ZC3H4: variants seen among roughly 807,000 people sequenced by gnomAD.
ZC3H4 encodes the protein zinc finger CCCH domain-containing protein 4.
A neutral mutation model predicts 108.3 loss-of-function variants in ZC3H4; 13 were observed. That is an observed-to-expected ratio of 0.12 (90% confidence interval 0.08 to 0.19). The LOEUF is 0.19. Ranked by LOEUF, ZC3H4 falls within the 10% of genes least tolerant of loss-of-function variation. ZC3H4 has a pLI of 1.00. For missense variants in ZC3H4, 1,734 were observed against 1,838.8 expected (o/e 0.94, Z 1.04); for synonymous variants, 917 against 749.6 (o/e 1.22, Z -3.65).
At chr19:47,091,329 G>A (rs1243373028) in intron 4 of ZC3H4, among the ~76,000 whole-genome samples, 1 of 151,988 alleles carries the variant, frequency 6.6e-6, no homozygotes, top group Non-Finnish European at 1.5e-5. Context: ...CCAGCACTGT[G>A]GGAGGCCCAG....
At chr19:47,100,571 C>T (rs1413083220) in intron 2 of ZC3H4, among the ~76,000 whole-genome samples, 2 of 151,682 alleles carry the variant, frequency 1.3e-5, no homozygotes, top group East Asian at 1.9e-4. Flanking sequence ...CATCTAGATA[C>T]GAAGACACCT....
chr19:47,069,260 A>C lies in ZC3H4; in HGVS notation c.2230T>G (p.Ser744Ala). 1 of 1,613,886 alleles carries C rather than the reference A, an allele frequency of 6.2e-7. No homozygotes were observed. Among genetic ancestry groups the C allele is most frequent in the South Asian group, 1.1e-5 (1 of 91,084 alleles). ...GGCCGGCCTGGGGGCCCTCCCTCAG[A>C]GAAGCTGTCGGGCTCCAGAGGGTGC... is the stretch of plus-strand genomic sequence containing the variant. ...PEHPLEPDSFSEGGPPGRPKP... is the reference protein window; with the variant it reads ...PEHPLEPDSFAEGGPPGRPKP... Residue 744 changes from serine to alanine, a missense_variant, in exon 14 of 15, where the codon TCT becomes GCT. Around this residue, in one of 9 missense-constraint regions of ZC3H4, gnomAD observed 540 missense variants for 484.1 expected, o/e 1.12. Coordinates refer to ENST00000253048, the MANE Select transcript of ZC3H4 (RefSeq NM_015168.2).
In ZC3H4 at chr19:47,085,172, C is replaced by A; in HGVS notation, c.991G>T (p.Gly331Cys). Residue 331 changes from glycine to cysteine, a missense_variant, in exon 8 of 15, where the codon GGC becomes TGC. Coordinates refer to ENST00000253048, the MANE Select transcript of ZC3H4 (RefSeq NM_015168.2). ...GRGLSRGRGRGSRGRGKGMGR... is the reference protein window; with the variant it reads ...GRGLSRGRGRCSRGRGKGMGR... Reference sequence around the variant, plus strand: ...ATTCCTTTCCCTCGACCTCGGGAGCCCCTGCCACGGCCTCGACTTAGCCCT... The same window carrying A: ...ATTCCTTTCCCTCGACCTCGGGAGCACCTGCCACGGCCTCGACTTAGCCCT... 1 of 1,613,544 alleles carries A rather than the reference C, an allele frequency of 6.2e-7. No individual in the cohort carries two copies. The highest frequency in any genetic ancestry group is 8.5e-7 in the Non-Finnish European group (1 of 1,179,866).
At chr19:47,071,469 A>C (rs899779886) in intron 13 of ZC3H4, among the ~76,000 whole-genome samples, 2 of 152,098 alleles carry the variant, frequency 1.3e-5, no homozygotes, top group Non-Finnish European at 2.9e-5. Flanking sequence ...CTGAGTCCTG[A>C]TGGGCCCACC....
chr19:47,081,408 A>C, intron 11 of ZC3H4, 105 bp downstream of exon 11: 3 of 872,268 alleles, frequency 3.4e-6, no homozygotes, highest in Non-Finnish European at 5.7e-6. Flanking sequence ...AGATCAACCA[A>C]ACTGGGCACT....
At chr19:47,088,688 G>A (rs961882993) in intron 5 of ZC3H4, among the ~76,000 whole-genome samples, 3 of 152,058 alleles carry the variant, frequency 2.0e-5, no homozygotes, top group Non-Finnish European at 4.4e-5. Context: ...ATGGGATCTC[G>A]CTGTGTTGCC....
chr19:47,073,529 A>G (rs2057365358), intron 11 of ZC3H4, among the ~76,000 whole-genome samples: 1 of 152,212 alleles, frequency 6.6e-6, no homozygotes, highest in Non-Finnish European at 1.5e-5. Context: ...CCGAGATCAC[A>G]CTACTGCACT....
intron 2 of ZC3H4, among the ~76,000 whole-genome samples, chr19:47,107,672 A>G (rs924235893): frequency 6.6e-6 from 1 of 152,154 alleles, no homozygotes; most frequent in African/African-American, 2.4e-5. Context: ...AAAAAAAAAA[A>G]AAGTAACAGG....
chr19:47,075,256 C>T (rs916165799), intron 11 of ZC3H4, among the ~76,000 whole-genome samples: 1 of 152,098 alleles, frequency 6.6e-6, no homozygotes, highest in African/African-American at 2.4e-5. Context: ...CAGGGGGACC[C>T]GTGGAGGCAG....
chr19:47,094,166 ATG>A, intron 3 of ZC3H4, 86 bp from the exon 4 acceptor site: 1 of 1,378,096 alleles, frequency 7.3e-7, no homozygotes, highest in East Asian at 2.3e-5. Flanking sequence ...CTATGCTGGC[ATG>A]TGCCGCAGGG....
At chr19:47,112,912 T>C (rs1250431676) in intron 1 of ZC3H4, among the ~76,000 whole-genome samples, 1 of 150,412 alleles carries the variant, frequency 6.6e-6, no homozygotes, top group Admixed American at 6.6e-5. Context: ...TGGGTGTAAT[T>C]AGCGCGGGCC....
chr19:47,109,599 G>T (rs1313389831), intron 2 of ZC3H4, among the ~76,000 whole-genome samples: 2 of 152,200 alleles, frequency 1.3e-5, no homozygotes, highest in Non-Finnish European at 2.9e-5. Context: ...GGATATCGTA[G>T]TTTGGAGATT....
chr19:47,101,427 C>T (rs555839393), intron 2 of ZC3H4, among the ~76,000 whole-genome samples: 1 of 152,018 alleles, frequency 6.6e-6, no homozygotes, highest in South Asian at 2.1e-4. Flanking sequence ...TCTATGTTGC[C>T]CAGGCTGGTC....
chr19:47,077,512 T>TA (rs902405117), intron 11 of ZC3H4, among the ~76,000 whole-genome samples: 3 of 146,910 alleles, frequency 2.0e-5, no homozygotes, highest in African/African-American at 7.5e-5. Flanking sequence ...CACAAAAACA[T>TA]AGATAAAATG....
rs1281577856 is a variant in ZC3H4, at chr19:47,066,786, G to A, written c.3482C>T (p.Thr1161Ile). ...GGCACCCGTGTCAGCAGCCGGCTCT[G>A]TGGCTTTGCCCCCCGCGTTGGGAGT... ...PRTPNAGGKATEPAADTGAQP... is the reference protein window; with the variant it reads ...PRTPNAGGKAIEPAADTGAQP... The change falls in exon 15 of 15, where the codon ACA becomes ATA. Residue 1161 changes from threonine (T) to isoleucine (I), a missense_variant. Coordinates refer to ENST00000253048, the MANE Select transcript of ZC3H4 (RefSeq NM_015168.2). 18 of 1,601,650 alleles carry A rather than the reference G, an allele frequency of 1.1e-5. No individual in the cohort carries two copies. In the South Asian group the frequency reaches 2.0e-4, roughly 18 times the overall value.
At position 47,065,127 on chromosome 19, in the gene ZC3H4, C is replaced by G. The variant is rs987092374; in HGVS notation, c.*1229G>C. 6.6e-6 allele frequency: 1 copy of G among 152,318 alleles called. No homozygotes were observed. The highest frequency in any genetic ancestry group is 1.5e-5 in the Non-Finnish European group (1 of 68,126). The allele number at this position is 152,318 out of a possible 1,614,324, so 9.4% of individuals were successfully genotyped here. On this transcript the variant is annotated 3_prime_UTR_variant, in exon 15 of 15. Coordinates refer to ENST00000253048, the MANE Select transcript of ZC3H4 (RefSeq NM_015168.2). ...CCATAGGTGGGCCTCCTCCAGGGCT[C>G]TGCAGATGAGGCTGGCCCTCAGCCA...
chr19:47,096,491 G>A (rs73566584), intron 2 of ZC3H4, among the ~76,000 whole-genome samples: 2,566 of 152,332 alleles, frequency 0.017, 67 homozygotes, highest in African/African-American at 0.057. Flanking sequence ...TCCCAAGGGA[G>A]AAGCTGTTAC....
chr19:47,101,152 C>T (rs1265989869), intron 2 of ZC3H4, among the ~76,000 whole-genome samples: 1 of 151,928 alleles, frequency 6.6e-6, no homozygotes, highest in Admixed American at 6.6e-5. Context: ...CCAGCCTGGG[C>T]AACATGAGGA....
chr19:47,090,988 T>TGGTGGCTCGGTGGGATTACA (rs2057722286), intron 4 of ZC3H4, among the ~76,000 whole-genome samples: 1 of 152,166 alleles, frequency 6.6e-6, no homozygotes, highest in Admixed American at 6.5e-5. Flanking sequence ...GTCAGGGGGC[T>TGGTGGCTCGGTGGGATTACA]GGGCGCGGTG....
Sources: gnomAD v4.1 joint callset for allele counts (sites outside exome capture counted in the v4.1 genomes callset) on GRCh38, gnomAD v4.1.1 for gene constraint, gnomAD v4.1.1 regional missense constraint, MANE v1.5 for transcripts, NCBI Gene and HGNC (gene_info 2026-07-23, HGNC 2026-07-21) for gene names.